PCDHA11: variants seen among roughly 807,000 people sequenced by gnomAD.
PCDHA11 encodes protocadherin alpha 11, also known as protocadherin alpha-11.
In PCDHA11, 61 loss-of-function variants were observed where a neutral mutation model predicts 70.3. The ratio of observed to expected loss-of-function variants is 0.87; its 90% CI spans 0.71 to 1.07. PCDHA11 has a LOEUF of 1.07. Among genes scored for constraint, PCDHA11 ranks in the 50% least tolerant of loss-of-function variants. The pLI is 0.00. For synonymous variants in PCDHA11, 633 were observed against 555.1 expected (o/e 1.14, Z -1.97); for missense variants, 1,324 against 1,237.5 (o/e 1.07, Z -1.05).
intron 1 of PCDHA11, among the ~76,000 whole-genome samples, chr5:140,937,096 G>T (rs1173485186): frequency 4.1e-5 from 6 of 146,810 alleles, no homozygotes; most frequent in African/African-American, 1.5e-4. Context: ...GGAGTGCAGT[G>T]GCGCAGTCTC....
intron 1 of PCDHA11, among the ~76,000 whole-genome samples, chr5:140,941,192 TTTC>T (rs1447153939): frequency 7.0e-5 from 7 of 99,658 alleles, no homozygotes; most frequent in Admixed American, 1.0e-4. Flanking sequence ...CTTCTTTTTT[TTTC>T]TTTCTTCCTT....
intron 1 of PCDHA11, among the ~76,000 whole-genome samples, chr5:140,892,059 G>A (rs1165045634): frequency 6.6e-6 from 1 of 152,108 alleles, no homozygotes; most frequent in African/African-American, 2.4e-5. Context: ...CAAATTTATT[G>A]TTACTTTGTA....
intron 3 of PCDHA11, among the ~76,000 whole-genome samples, chr5:141,003,441 AGAT>A (rs2098125025): frequency 6.6e-6 from 1 of 152,122 alleles, no homozygotes; most frequent in Non-Finnish European, 1.5e-5. Context: ...CCTCCCAAGT[AGAT>A]GAAATTACAG....
intron 1 of PCDHA11, among the ~76,000 whole-genome samples, chr5:140,909,201 C>T (rs1379290108): frequency 2.0e-5 from 3 of 152,136 alleles, no homozygotes; most frequent in South Asian, 2.1e-4. Context: ...GACACAAAGC[C>T]GGAGAGTTGA....
chr5:140,963,312 TG>T (rs2153735087), intron 1 of PCDHA11, among the ~76,000 whole-genome samples: 1 of 152,332 alleles, frequency 6.6e-6, no homozygotes, highest in African/African-American at 2.4e-5. Flanking sequence ...AGAAGCTGTT[TG>T]TATTAGAATT....
chr5:140,989,597 G>A (rs1168398697), intron 3 of PCDHA11, among the ~76,000 whole-genome samples: 1 of 152,144 alleles, frequency 6.6e-6, no homozygotes, highest in Non-Finnish European at 1.5e-5. Flanking sequence ...ACTGACACAA[G>A]TAAACTAAAA....
intron 1 of PCDHA11, chr5:140,967,749 C>A (rs1554229896): frequency 1.2e-6 from 2 of 1,614,172 alleles, no homozygotes; most frequent in Non-Finnish European, 1.7e-6. Context: ...TATGAGGAAG[C>A]CTCCTCCTAC....
Position 140,938,565 on chromosome 5 carries a change from A to G in PCDHA11, c.2392-40384A>G, listed in dbSNP as rs1347602327. Among the ~76,000 whole-genome samples the G allele has an allele frequency of 2.0e-5, 3 of 151,630 alleles. No individual in the cohort carries two copies. The East Asian group carries it at 5.8e-4, about 29-fold the overall frequency. On this transcript the variant is annotated intron_variant, in intron 1 of 3. Coordinates refer to ENST00000398640, the MANE Select transcript of PCDHA11 (RefSeq NM_018902.5). ...TTTTATCCTTTTATTAATAGCATGC[A>G]TTATATTGGTTGATTTGTTAATGAT...
intron 1 of PCDHA11, chr5:140,884,824 T>C: frequency 1.0e-6 from 1 of 993,590 alleles, no homozygotes; most frequent in Non-Finnish European, 1.4e-6. Context: ...ACATTATGTG[T>C]TGGATTATCC....
intron 1 of PCDHA11, chr5:140,877,376 G>A: frequency 6.2e-7 from 1 of 1,614,014 alleles, no homozygotes; most frequent in Non-Finnish European, 8.5e-7. Context: ...AGCACGACAC[G>A]CATCCTGGAT....
chr5:140,882,182 G>A (rs1357141908), intron 1 of PCDHA11: 1 of 1,518,510 alleles, frequency 6.6e-7, no homozygotes, highest in Non-Finnish European at 8.8e-7. Context: ...TCCGCACTAG[G>A]AAGCCATAAA....
chr5:140,971,541 G>C (rs544682624), intron 1 of PCDHA11, among the ~76,000 whole-genome samples: 1 of 152,290 alleles, frequency 6.6e-6, no homozygotes, highest in Non-Finnish European at 1.5e-5. Flanking sequence ...ATCATTGCCA[G>C]ATCAACCTGT....
chr5:140,906,889 G>T (rs1397235059), intron 1 of PCDHA11, among the ~76,000 whole-genome samples: 1 of 152,172 alleles, frequency 6.6e-6, no homozygotes, highest in Non-Finnish European at 1.5e-5. Flanking sequence ...TTCCTTCTTA[G>T]ATTGTTGGTT....
intron 3 of PCDHA11, among the ~76,000 whole-genome samples, chr5:140,997,683 T>C (rs782444752): frequency 6.6e-6 from 1 of 152,044 alleles, no homozygotes; most frequent in Non-Finnish European, 1.5e-5. Context: ...TGTGTGTGTG[T>C]GTGTGTGTGT....
chr5:140,877,416 G>A (rs368900600), intron 1 of PCDHA11: 32 of 1,613,802 alleles, frequency 2.0e-5, no homozygotes, highest in Non-Finnish European at 2.7e-5. Flanking sequence ...ACCGCCTGCT[G>A]GTGCTGGTGA....
intron 1 of PCDHA11, among the ~76,000 whole-genome samples, chr5:140,947,198 TA>T (rs1554218091): frequency 1.3e-5 from 2 of 151,312 alleles, no homozygotes; most frequent in African/African-American, 4.8e-5. Flanking sequence ...TACACAGCCT[TA>T]AAAAAAGAAA....
chr5:140,921,809 C>T (rs886599958), intron 1 of PCDHA11, among the ~76,000 whole-genome samples: 2 of 151,940 alleles, frequency 1.3e-5, no homozygotes, highest in African/African-American at 4.8e-5. Context: ...AGATAAGATA[C>T]ATGTGTGAAT....
chr5:140,872,667 A>G (rs2053828539), intron 1 of PCDHA11, among the ~76,000 whole-genome samples: 1 of 152,186 alleles, frequency 6.6e-6, no homozygotes, highest in African/African-American at 2.4e-5. Flanking sequence ...CAACTATTGG[A>G]TACTCAAACA....
intron 3 of PCDHA11, among the ~76,000 whole-genome samples, chr5:140,996,297 T>TGTAACAAAGTAAGGGG (rs2097720569): frequency 6.6e-6 from 1 of 152,196 alleles, no homozygotes; most frequent in Non-Finnish European, 1.5e-5. Context: ...AAGCACAGAT[T>TGTAACAAAGTAAGGGG]GTAACAAAGT....
Sources: allele counts gnomAD v4.1 joint callset (sites outside exome capture counted in the v4.1 genomes callset), GRCh38; gene constraint gnomAD v4.1.1; transcripts MANE v1.5; gene names NCBI Gene and HGNC (gene_info 2026-07-23, HGNC 2026-07-21).